TNRC6B: variants seen among roughly 807,000 people sequenced by gnomAD.
TNRC6B encodes the protein trinucleotide repeat containing adaptor 6B, also known as trinucleotide repeat-containing gene 6B protein.
A neutral mutation model predicts 203.6 loss-of-function variants in TNRC6B; 52 were observed. The observed-to-expected ratio is 0.26, with a 90% confidence interval of 0.20 to 0.32. The LOEUF (loss-of-function observed/expected upper bound fraction) is 0.32. Ranked by LOEUF, TNRC6B falls within the 10% of genes least tolerant of loss-of-function variation. The probability of loss-of-function intolerance (pLI) is 1.00; values close to 1 mark genes in which losing one functional copy is unlikely to be tolerated. For missense variants in TNRC6B, 1,923 were observed against 2,286.2 expected, an observed-to-expected ratio of 0.84 and a Z score of 3.24; for synonymous variants, 838 against 845.7, an observed-to-expected ratio of 0.99 and a Z score of 0.16.
chr22:40,101,667 T>TTTGAGTCA (rs2068242343), intron 1 of TNRC6B, among the ~76,000 whole-genome samples: 1 of 152,170 alleles, frequency 6.6e-6, no homozygotes, highest in African/African-American at 2.4e-5. Context: ...GAAGGATTAA[T>TTTGAGTCA]GGGCTTTAGA....
At chr22:40,118,012 G>A (rs977362860) in intron 2 of TNRC6B, among the ~76,000 whole-genome samples, 1 of 152,184 alleles carries the variant, frequency 6.6e-6, no homozygotes, top group Admixed American at 6.5e-5. Context: ...GGGTGGATCT[G>A]AGAAACAAAT....
upstream of TNRC6B, among the ~76,000 whole-genome samples, chr22:40,174,198 C>T (rs1165819587): frequency 1.3e-5 from 2 of 150,538 alleles, no homozygotes; most frequent in Non-Finnish European, 3.0e-5. Flanking sequence ...GAGTTTTGCT[C>T]TATTGCCCCA....
At chr22:40,321,302 T>G in intron 22 of TNRC6B, 73 bp downstream of exon 22, 1 of 1,532,004 alleles carries the variant, frequency 6.5e-7, no homozygotes. Flanking sequence ...TGGCAGCTGC[T>G]GAATTAAAGA....
At chr22:40,240,744 T>A (rs2070016888) in intron 1 of TNRC6B, among the ~76,000 whole-genome samples, 1 of 152,228 alleles carries the variant, frequency 6.6e-6, no homozygotes, top group South Asian at 2.1e-4. Context: ...CCCTTCATAC[T>A]TAGAAGCAAT....
chr22:40,200,278 C>CTTTTTTTTTTTT (rs59067007), intron 1 of TNRC6B, among the ~76,000 whole-genome samples: 1 of 75,510 alleles, frequency 1.3e-5, no homozygotes, highest in Non-Finnish European at 2.3e-5. Flanking sequence ...AAGTAATATT[C>CTTTTTTTTTTTT]TTTTTTTTTT....
chr22:40,109,428 C>T (rs2068314306), intron 1 of TNRC6B, among the ~76,000 whole-genome samples: 1 of 152,150 alleles, frequency 6.6e-6, no homozygotes, highest in Non-Finnish European at 1.5e-5. Flanking sequence ...TATCTCTCTG[C>T]AGCCTTGCCA....
At position 40,204,774 on chromosome 22, in the gene TNRC6B, TCTGCTG is replaced by T. The variant is rs535812370; in HGVS notation, c.5+26646_5+26651del. 7.0e-4 allele frequency among the ~76,000 whole-genome samples: 106 copies of T among 152,354 alleles called. 1 individual carries two copies. The East Asian group carries it at 0.016, about 22-fold the overall frequency. ...TTAGGCCACCTGCCATTGTTCTGTC[TCTGCTG>T]CTGCTGCTGCTTTTTCTATTTTTAA... On this transcript the variant is annotated intron_variant, in intron 1 of 22. Transcript: ENST00000454349.
intron 21 of TNRC6B, among the ~76,000 whole-genome samples, chr22:40,317,149 A>G (rs1485488092): frequency 7.2e-5 from 11 of 152,192 alleles, no homozygotes; most frequent in Admixed American, 7.2e-4. Context: ...GTTTCTTAAT[A>G]TGGATCTCAT....
chr22:40,094,735 C>G (rs978919410), intron 1 of TNRC6B, among the ~76,000 whole-genome samples: 2 of 152,170 alleles, frequency 1.3e-5, no homozygotes, highest in Non-Finnish European at 2.9e-5. Context: ...TGTGGAAAGG[C>G]CAGATGTTGA....
Position 40,323,067 on chromosome 22 carries a change from C to T in TNRC6B, c.5328C>T (p.Ser1776=). 1 of 1,603,272 alleles carries T rather than the reference C, an allele frequency of 6.2e-7. No homozygotes were observed. The highest frequency in any genetic ancestry group is 8.5e-7 in the Non-Finnish European group (1 of 1,174,496). The change falls in exon 23 of 23, where the codon AGC becomes AGT. Residue 1776 remains serine (S), a synonymous_variant. Coordinates refer to ENST00000454349, the MANE Select transcript of TNRC6B (RefSeq NM_001162501.2). Reference sequence around the variant, plus strand: ...GGTCCACTGGGCTCGGGCAGTGGAGCAGCAGCGCTGGTGGCAGCAGCGGGG... The same window carrying T: ...GGTCCACTGGGCTCGGGCAGTGGAGTAGCAGCGCTGGTGGCAGCAGCGGGG... The part of the protein sequence containing the change: ...FGGSTGLGQW[S]SSAGGSSGAD...
intron 1 of TNRC6B, among the ~76,000 whole-genome samples, chr22:40,238,340 G>C (rs1243526943): frequency 6.6e-6 from 1 of 152,178 alleles, no homozygotes; most frequent in African/African-American, 2.4e-5. Flanking sequence ...CTGAAACTGA[G>C]AATGAGAGGT....
At chr22:40,121,753 C>A (rs1315318794) in intron 2 of TNRC6B, among the ~76,000 whole-genome samples, 1 of 152,240 alleles carries the variant, frequency 6.6e-6, no homozygotes, top group African/African-American at 2.4e-5. Flanking sequence ...AGCCCCCAAC[C>A]CTTTGCTAAG....
At chr22:40,153,717 G>A (rs1341032544) in intron 3 of TNRC6B, among the ~76,000 whole-genome samples, 4 of 151,716 alleles carry the variant, frequency 2.6e-5, no homozygotes, top group South Asian at 2.1e-4. Flanking sequence ...GAACAAAAAC[G>A]GTAACTTACA....
At chr22:40,135,772 G>C (rs902027786) in intron 3 of TNRC6B, among the ~76,000 whole-genome samples, 5 of 152,146 alleles carry the variant, frequency 3.3e-5, no homozygotes, top group African/African-American at 1.2e-4. Context: ...AAAGTGCTGA[G>C]ATTACAGATG....
intron 7 of TNRC6B, among the ~76,000 whole-genome samples, chr22:40,274,703 G>A (rs1041579422): frequency 6.6e-6 from 1 of 152,190 alleles, no homozygotes; most frequent in Non-Finnish European, 1.5e-5. Context: ...TTACAGGCGT[G>A]AGCCTCTGCG....
chr22:40,087,895 C>G (rs922878877), intron 1 of TNRC6B, among the ~76,000 whole-genome samples: 15 of 152,082 alleles, frequency 9.9e-5, no homozygotes, highest in Non-Finnish European at 2.9e-5. Context: ...TTTGGTGACC[C>G]AGACTAGAGA....
chr22:40,167,786 G>C (rs183456662), intron 4 of TNRC6B, among the ~76,000 whole-genome samples: 42 of 150,576 alleles, frequency 2.8e-4, no homozygotes, highest in Admixed American at 2.8e-3. Flanking sequence ...CTGAGTTTGA[G>C]ACAGGAGGAT....
In TNRC6B at chr22:40,266,213, G is replaced by A; in HGVS notation, c.1983G>A (p.Lys661=). 6.2e-7 allele frequency: 1 copy of A among 1,610,104 alleles called. No homozygotes were observed. The highest frequency in any genetic ancestry group is 8.5e-7 in the Non-Finnish European group (1 of 1,177,962). Residue 661 remains lysine, a synonymous_variant, in exon 5 of 23, where the codon AAG becomes AAA. Transcript: ENST00000454349. ...EGWESAATQT[K]NSGGWGDAPS... ...GGGAGAGCGCTGCCACACAGACCAA[G>A]AACTCAGGGGGCTGGGGAGATGCAC...
At chr22:40,103,099 A>T (rs34419824) in intron 1 of TNRC6B, among the ~76,000 whole-genome samples, 31,789 of 150,626 alleles carry the variant, frequency 0.21, 3,695 homozygotes, top group African/African-American at 0.29. Context: ...AAAAATAAAT[A>T]AATAAATTAA....
Sources: gnomAD v4.1 joint callset for allele counts (sites outside exome capture counted in the v4.1 genomes callset) on GRCh38, gnomAD v4.1.1 for gene constraint, MANE v1.5 for transcripts, NCBI Gene and HGNC (gene_info 2026-07-23, HGNC 2026-07-21) for gene names.